Variants in NUP160 observed in about 807,000 individuals in gnomAD.
NUP160 encodes the protein nuclear pore complex protein Nup160.
NUP160 carries 94 observed loss-of-function variants against 196.9 expected under a neutral mutation model. The observed-to-expected ratio is 0.48, with a 90% CI of 0.40 to 0.57. The LOEUF (loss-of-function observed/expected upper bound fraction) is 0.57, where lower values mean the gene tolerates loss of function less well. Among genes scored for constraint, NUP160 ranks in the 20% least tolerant of loss-of-function variants. The pLI is 0.00. For synonymous variants in NUP160, 605 were observed against 619.7 expected (o/e 0.98, Z 0.35); for missense variants, 1,638 against 1,748.3 (o/e 0.94, Z 1.13).
chr11:47,847,902 T>C, exon 2 of NUP160: 1 of 1,614,156 alleles, frequency 6.2e-7, no homozygotes, highest in Non-Finnish European at 8.5e-7. Flanking sequence ...CTCCACGTAG[T>C]AAAAGCCTCC....
At chr11:47,824,031 A>ATG (rs1851917270) in intron 7 of NUP160, among the ~76,000 whole-genome samples, 3 of 121,652 alleles carry the variant, frequency 2.5e-5, no homozygotes, top group African/African-American at 8.9e-5. Flanking sequence ...ATATATATAT[A>ATG]TATATATATA....
At chr11:47,781,750 C>CTTAA (rs2097660982) in intron 34 of NUP160, among the ~76,000 whole-genome samples, 1 of 152,120 alleles carries the variant, frequency 6.6e-6, no homozygotes, top group African/African-American at 2.4e-5. Flanking sequence ...CTTGTAGAGA[C>CTTAA]TTAACACAGT....
At chr11:47,780,536 T>G (rs1392764361) in intron 34 of NUP160, 89 bp from the exon 35 acceptor site, 13 of 652,386 alleles carry the variant, frequency 2.0e-5, no homozygotes, top group Non-Finnish European at 2.8e-5. Flanking sequence ...TAGAATAAAA[T>G]ACCCTTTTTT....
chr11:47,798,081 G>A lies in NUP160; in HGVS notation c.3087-7C>T, dbSNP rs2097671899. On this transcript the variant is annotated splice_polypyrimidine_tract_variant and splice_region_variant and intron_variant, in intron 25 of 35. Coordinates refer to ENST00000378460, the Ensembl canonical transcript of NUP160. ...CCGTAAACAATCTAATTGCCTAGAA[G>A]GAAAGAAAGGAATATGAGGGCAAAC... 8.3e-6 allele frequency: 13 copies of A among 1,565,272 alleles called. No individual in the cohort carries two copies. The highest frequency in any genetic ancestry group is 1.1e-5 in the South Asian group (1 of 89,210).
intron 9 of NUP160, among the ~76,000 whole-genome samples, chr11:47,819,982 C>T (rs1308660003): frequency 6.6e-6 from 1 of 152,226 alleles, no homozygotes; most frequent in African/African-American, 2.4e-5. Context: ...GACTACTTTG[C>T]TCAAATGCCA....
chr11:47,836,538 G>A (rs1852179643), intron 6 of NUP160, among the ~76,000 whole-genome samples: 1 of 152,006 alleles, frequency 6.6e-6, no homozygotes, highest in Non-Finnish European at 1.5e-5. Flanking sequence ...GCTTGAGCCC[G>A]GGAGGCAGAG....
At chr11:47,787,629 G>C (rs1272019039) in intron 31 of NUP160, among the ~76,000 whole-genome samples, 1 of 151,698 alleles carries the variant, frequency 6.6e-6, no homozygotes, top group Non-Finnish European at 1.5e-5. Context: ...TCACCATGTT[G>C]GCCAGGCTGG....
At chr11:47,836,421 G>A (rs1182658274) in intron 6 of NUP160, among the ~76,000 whole-genome samples, 1 of 152,006 alleles carries the variant, frequency 6.6e-6, no homozygotes. Flanking sequence ...GAAAGGTCCA[G>A]TCTGGGTAAC....
chr11:47,798,330 A>C, intron 24 of NUP160, 38 bp downstream of exon 24: 1 of 1,550,354 alleles, frequency 6.5e-7, no homozygotes, highest in Non-Finnish European at 8.9e-7. Flanking sequence ...CCCACAACAA[A>C]CCTTAAAGAA....
Position 47,806,145 on chromosome 11 carries a change from A to C in NUP160, c.2606+8T>G. On this transcript the variant is annotated splice_region_variant and intron_variant, in intron 20 of 35. Transcript: ENST00000378460. ...GAGCTTTTCACTGGCTTCTAAATAA[A>C]AGGATACAAAAGCTGCAATAAATAA... The C allele has an allele frequency of 6.2e-7, 1 of 1,613,540 alleles. No individual in the cohort carries two copies. Among genetic ancestry groups the C allele is most frequent in the South Asian group, 1.1e-5 (1 of 91,066 alleles).
intron 7 of NUP160, among the ~76,000 whole-genome samples, chr11:47,831,507 A>G (rs1397351870): frequency 2.0e-5 from 3 of 152,162 alleles, no homozygotes; most frequent in Non-Finnish European, 4.4e-5. Flanking sequence ...AGGAATTGAA[A>G]CCACCTTCGC....
intron 2 of NUP160, chr11:47,841,666 A>G (rs1852300327): frequency 3.1e-6 from 1 of 318,706 alleles, no homozygotes; most frequent in South Asian, 3.6e-5. Flanking sequence ...TCTAAGGAGC[A>G]TGTACCATCT....
intron 32 of NUP160, 82 bp from the exon 33 acceptor site, chr11:47,785,145 G>A (rs1350223150): frequency 3.0e-6 from 2 of 671,910 alleles, no homozygotes; most frequent in Non-Finnish European, 4.4e-6. Context: ...TATTTACAAG[G>A]AAAACTTTTT....
intron 7 of NUP160, among the ~76,000 whole-genome samples, chr11:47,826,565 C>A (rs1191973380): frequency 6.6e-6 from 1 of 151,360 alleles, no homozygotes; most frequent in Non-Finnish European, 1.5e-5. Context: ...AAAAATCCCC[C>A]CCCCCTTTTT....
Position 47,798,027 on chromosome 11 carries a change from G to C in NUP160, c.3134C>G (p.Ser1045Ter), listed in dbSNP as rs779137914. 2.5e-6 allele frequency: 4 copies of C among 1,579,270 alleles called. No individual in the cohort carries two copies. ...AAACTCTACAAGATCCTGTAGCTGTGAGCGTTCACAAAGAACTACCACCAA... is the reference window on the plus strand; with the variant it reads ...AAACTCTACAAGATCCTGTAGCTGTCAGCGTTCACAAAGAACTACCACCAA... Residue 1045 changes from serine (S) to a stop codon, truncating the protein, a stop_gained, in exon 26 of 36, where the codon TCA (serine) becomes TGA (stop). Transcript: ENST00000378460. LOFTEE classifies it high-confidence loss of function.
rs372159602 is a variant in NUP160 at position 47,831,842 on chromosome 11, C to CAAAA, written c.1101+3805_1101+3808dup. 8.1e-4 allele frequency among the ~76,000 whole-genome samples: 54 copies of CAAAA among 66,666 alleles called. 2 individuals carry two copies. Among genetic ancestry groups the CAAAA allele is most frequent in the African/African-American group, 3.8e-3 (53 of 14,096 alleles). 43.7% of individuals were successfully genotyped at this position (66,666 alleles called of 152,430 possible). A position where few individuals can be genotyped will look rare whatever the true frequency, so the allele number is the denominator to read the frequency against. On this transcript the variant is annotated intron_variant, in intron 7 of 35. Coordinates refer to ENST00000378460, the Ensembl canonical transcript of NUP160. ...TTAGTGACAAAGCGAGACTCTCTCT[C>CAAAA]AAAAAAAAAAAAAAAAAAAAAAAAA...
rs1304788225 is a variant in NUP160, at chr11:47,807,767, T to C, written c.2376-627A>G. 3.3e-5 allele frequency among the ~76,000 whole-genome samples: 5 copies of C among 152,226 alleles called. No individual in the cohort carries two copies. The East Asian group carries it at 9.6e-4, about 29-fold the overall frequency. ...AGCGTAACATTTTGTGTATGGTCTT[T>C]CCTTCTGGTTTCATCGTATTTTATA... On this transcript the variant is annotated intron_variant, in intron 18 of 35. Transcript: ENST00000378460.
In NUP160 at chr11:47,788,436, T is replaced by C. The variant is rs2097665941; in HGVS notation, c.3622+65A>G. On this transcript the variant is annotated intron_variant, in intron 30 of 35. Coordinates refer to ENST00000378460, the Ensembl canonical transcript of NUP160. ...TACCCATCTACCATGCTACATACAC[T>C]GCCTGGACCTAAAATGTGCTCGTGG... The C allele has an allele frequency of 2.0e-6, 3 of 1,535,952 alleles. No homozygotes were observed. The African/African-American group carries it at 4.1e-5, about 21-fold the overall frequency.
chr11:47,810,330 A>T (rs2135373044), intron 17 of NUP160, among the ~76,000 whole-genome samples: 1 of 151,896 alleles, frequency 6.6e-6, no homozygotes, highest in East Asian at 1.9e-4. Context: ...CCCAAGTAGC[A>T]AGGACTACAG....
Sources: allele counts gnomAD v4.1 joint callset (sites outside exome capture counted in the v4.1 genomes callset), GRCh38; gene constraint gnomAD v4.1.1; transcripts MANE v1.5; gene names NCBI Gene and HGNC (gene_info 2026-07-23, HGNC 2026-07-21).